Variants in GRIN2A observed in about 807,000 individuals in gnomAD.
The protein encoded by GRIN2A is glutamate ionotropic receptor NMDA type subunit 2A, also known as glutamate receptor ionotropic, NMDA 2A.
In GRIN2A, 22 loss-of-function variants were observed where a neutral mutation model predicts 113.4. The observed-to-expected ratio is 0.19, with a 90% CI of 0.14 to 0.28. GRIN2A has a LOEUF of 0.28. Ranked by LOEUF, GRIN2A falls within the 10% of genes least tolerant of loss-of-function variation. GRIN2A has a pLI of 1.00. For missense variants in GRIN2A, 1,502 were observed against 1,887.0 expected, an observed-to-expected ratio of 0.80 and a Z score of 3.78; for synonymous variants, 827 against 738.4, an observed-to-expected ratio of 1.12 and a Z score of -1.94.
chr16:10,134,195 G>GA (rs71402436), intron 2 of GRIN2A, among the ~76,000 whole-genome samples: 27 of 18,230 alleles, frequency 1.5e-3, no homozygotes, highest in African/African-American at 4.0e-3. Flanking sequence ...ACTGTTTCCA[G>GA]AAAAAAAAAA....
At chr16:9,903,104 G>A (rs2141524138) in intron 3 of GRIN2A, among the ~76,000 whole-genome samples, 1 of 151,954 alleles carries the variant, frequency 6.6e-6, no homozygotes, top group African/African-American at 2.4e-5. Flanking sequence ...TAGTAGCTGG[G>A]ACTACAATCG....
intron 8 of GRIN2A, among the ~76,000 whole-genome samples, chr16:9,830,860 A>C (rs1363204320): frequency 6.6e-6 from 1 of 152,032 alleles, no homozygotes; most frequent in Non-Finnish European, 1.5e-5. Flanking sequence ...CTTATTCTCA[A>C]GAGGCAGGAA....
chr16:9,990,647 A>G (rs2046093421), intron 2 of GRIN2A, among the ~76,000 whole-genome samples: 1 of 148,948 alleles, frequency 6.7e-6, no homozygotes, highest in African/African-American at 2.5e-5. Flanking sequence ...CAACAGTCTC[A>G]ACTATGTTCT....
Position 10,086,082 on chromosome 16 carries a change from A to C in GRIN2A, c.414+93916T>G, listed in dbSNP as rs527372107. ...TGAAGCAAAATCCTATGTCCTGCAC[A>C]CAGTAGGCACTCAGAAAGTGTTTGT... On this transcript the variant is annotated intron_variant, in intron 2 of 12. Coordinates refer to ENST00000330684, the MANE Select transcript of GRIN2A (RefSeq NM_001134407.3). Among the ~76,000 whole-genome samples, 4 of 152,280 alleles carry C rather than the reference A, an allele frequency of 2.6e-5. No individual in the cohort carries two copies. In the South Asian group the frequency reaches 8.3e-4, roughly 32 times the overall value.
At chr16:10,023,227 T>A (rs2046757840) in intron 2 of GRIN2A, among the ~76,000 whole-genome samples, 1 of 152,138 alleles carries the variant, frequency 6.6e-6, no homozygotes, top group South Asian at 2.1e-4. Context: ...TCAGCTGCAT[T>A]CCCAAGCTAG....
intron 2 of GRIN2A, among the ~76,000 whole-genome samples, chr16:10,045,890 G>A (rs1177110114): frequency 1.3e-5 from 2 of 152,138 alleles, no homozygotes; most frequent in Non-Finnish European, 2.9e-5. Context: ...CTGCACTACT[G>A]ACCAGATCGT....
intron 11 of GRIN2A, among the ~76,000 whole-genome samples, chr16:9,783,445 A>G (rs1159358714): frequency 1.3e-5 from 2 of 152,370 alleles, no homozygotes; most frequent in Admixed American, 1.3e-4. Flanking sequence ...CTTTGGAAGC[A>G]ATAAAGGCTT....
At chr16:9,822,113 C>A in intron 10 of GRIN2A, 151 bp downstream of exon 10, 1 of 826,054 alleles carries the variant, frequency 1.2e-6, no homozygotes, top group Middle Eastern at 3.1e-4. Flanking sequence ...ATTAGATTAA[C>A]AAAAACTGCC....
intron 4 of GRIN2A, among the ~76,000 whole-genome samples, chr16:9,867,934 ACT>A (rs1157265923): frequency 6.6e-6 from 1 of 151,884 alleles, no homozygotes; most frequent in Non-Finnish European, 1.5e-5. Context: ...GAAACCTCAA[ACT>A]CAGTAGGCTT....
chr16:9,990,888 G>A (rs922573668), intron 2 of GRIN2A, among the ~76,000 whole-genome samples: 2 of 152,080 alleles, frequency 1.3e-5, no homozygotes, highest in East Asian at 3.9e-4. Flanking sequence ...CCAACATGGT[G>A]AAACCTCCTC....
intron 3 of GRIN2A, among the ~76,000 whole-genome samples, chr16:9,902,947 T>G (rs1596562116): frequency 1.1e-5 from 1 of 92,786 alleles, no homozygotes; most frequent in African/African-American, 4.1e-5. Flanking sequence ...TCTGTTTTTT[T>G]TTTTTTTTTT....
intron 12 of GRIN2A, among the ~76,000 whole-genome samples, chr16:9,768,166 T>C (rs28706820): frequency 0.029 from 4,490 of 152,286 alleles, 118 homozygotes; most frequent in African/African-American, 0.077. Context: ...GTTCACGCCA[T>C]TCTCCTGCCT....
intron 11 of GRIN2A, among the ~76,000 whole-genome samples, chr16:9,791,684 T>G (rs1355166722): frequency 2.6e-5 from 4 of 152,010 alleles, no homozygotes; most frequent in Non-Finnish European, 4.4e-5. Flanking sequence ...TTATGAGAAT[T>G]CTAATTAGAT....
intron 2 of GRIN2A, among the ~76,000 whole-genome samples, chr16:9,948,125 A>G (rs1429697817): frequency 1.3e-5 from 2 of 152,216 alleles, no homozygotes; most frequent in African/African-American, 4.8e-5. Flanking sequence ...CCCAATGTTA[A>G]ACCTGAATGT....
At chr16:9,901,570 G>A (rs573308208) in intron 3 of GRIN2A, among the ~76,000 whole-genome samples, 1 of 152,050 alleles carries the variant, frequency 6.6e-6, no homozygotes, top group African/African-American at 2.4e-5. Context: ...AGTGATTCTC[G>A]TGCCTCAGCC....
In GRIN2A at chr16:9,763,869, T is replaced by C. The variant is rs1251388442; in HGVS notation, c.3675A>G (p.Ser1225=). ...RSCLSNMPTY[S]GHFTMRSPFK... is the part of the protein sequence containing the mutation. The stretch of plus-strand genomic sequence containing the variant: ...AGGGGGACCTCATGGTGAAGTGGCC[T>C]GAATAGGTGGGCATGTTGGAAAGGC... Residue 1225 remains serine (S), a synonymous_variant, in exon 13 of 13, where the codon TCA becomes TCG. Coordinates refer to ENST00000330684, the MANE Select transcript of GRIN2A (RefSeq NM_001134407.3). The C allele has an allele frequency of 6.2e-7, 1 of 1,614,092 alleles. No homozygotes were observed. Among genetic ancestry groups the C allele is most frequent in the Non-Finnish European group, 8.5e-7 (1 of 1,180,014 alleles).
chr16:9,895,520 G>C (rs1382835034), intron 3 of GRIN2A, among the ~76,000 whole-genome samples: 1 of 152,204 alleles, frequency 6.6e-6, no homozygotes, highest in Non-Finnish European at 1.5e-5. Context: ...ATGGAGGCTT[G>C]AAATGCAAGT....
At chr16:9,857,009 G>A (rs190381445) in intron 4 of GRIN2A, among the ~76,000 whole-genome samples, 141 of 152,306 alleles carry the variant, frequency 9.3e-4, no homozygotes, top group African/African-American at 3.2e-3. Context: ...ATGATGTGAT[G>A]ATAATGGCGT....
chr16:9,817,304 C>T (rs548999094), intron 10 of GRIN2A, among the ~76,000 whole-genome samples: 1 of 152,220 alleles, frequency 6.6e-6, no homozygotes, highest in Middle Eastern at 3.4e-3. Context: ...CGTGGTGTGG[C>T]GTGCTGCGGG....
Sources: allele counts gnomAD v4.1 joint callset (sites outside exome capture counted in the v4.1 genomes callset), GRCh38; gene constraint gnomAD v4.1.1; transcripts MANE v1.5; gene names NCBI Gene and HGNC (gene_info 2026-07-23, HGNC 2026-07-21).